Variants in SLC38A9 observed in about 807,000 individuals in gnomAD.
SLC38A9 encodes neutral amino acid transporter 9.
SLC38A9 carries 48 observed loss-of-function variants against 62.3 expected under a neutral mutation model. That is an observed-to-expected ratio of 0.77 (90% confidence interval 0.61 to 0.98). The LOEUF is 0.98. Among genes scored for constraint, SLC38A9 ranks in the 50% least tolerant of loss-of-function variants. The pLI is 0.00. For synonymous variants in SLC38A9, 204 were observed against 227.7 expected (o/e 0.90, Z 0.94); for missense variants, 541 against 679.8 (o/e 0.80, Z 2.27).
At chr5:55,648,363 T>C (rs1323444414) in intron 11 of SLC38A9, among the ~76,000 whole-genome samples, 1 of 152,192 alleles carries the variant, frequency 6.6e-6, no homozygotes, top group East Asian at 1.9e-4. Context: ...AGTTTTTGTG[T>C]GGAAAATACA....
At chr5:55,632,019 ACAACTCCTT>A (rs2150035526) in intron 14 of SLC38A9, among the ~76,000 whole-genome samples, 1 of 152,296 alleles carries the variant, frequency 6.6e-6, no homozygotes, top group East Asian at 1.9e-4. Flanking sequence ...AAAAGAACTC[ACAACTCCTT>A]CATCCCTAAT....
At chr5:55,694,424 C>G (rs1755167699) in intron 3 of SLC38A9, among the ~76,000 whole-genome samples, 1 of 151,974 alleles carries the variant, frequency 6.6e-6, no homozygotes, top group Admixed American at 6.6e-5. Context: ...TGTCAGTGAC[C>G]TGGAAGAAAA....
chr5:55,639,134 G>A (rs1448547733), intron 12 of SLC38A9, among the ~76,000 whole-genome samples: 5 of 152,152 alleles, frequency 3.3e-5, no homozygotes, highest in African/African-American at 7.2e-5. Context: ...GTAGCCAGAC[G>A]TGGTGGTACA....
Position 55,701,430 on chromosome 5 carries a change from C to T in SLC38A9, c.-34-3438G>A, listed in dbSNP as rs77558190. On this transcript the variant is annotated intron_variant, in intron 2 of 15. Coordinates refer to ENST00000396865, the MANE Select transcript of SLC38A9 (RefSeq NM_173514.4). Reference sequence around the variant, plus strand: ...GCTCAGGCCAAAATTCTTAGAATCACTCATGACTTCTTTTTCTCACAGTCC... The same window carrying T: ...GCTCAGGCCAAAATTCTTAGAATCATTCATGACTTCTTTTTCTCACAGTCC... 6.2e-3 allele frequency among the ~76,000 whole-genome samples: 944 copies of T among 152,310 alleles called. 10 individuals are homozygous for T. The highest frequency in any genetic ancestry group is 0.022 in the African/African-American group (915 of 41,560).
chr5:55,661,565 A>G (rs1749580925), intron 8 of SLC38A9, among the ~76,000 whole-genome samples: 1 of 152,200 alleles, frequency 6.6e-6, no homozygotes, highest in Middle Eastern at 3.4e-3. Flanking sequence ...TACAATATCA[A>G]TTACTATACG....
chr5:55,667,653 A>G (rs994593324), intron 7 of SLC38A9, among the ~76,000 whole-genome samples: 3 of 151,994 alleles, frequency 2.0e-5, no homozygotes, highest in Non-Finnish European at 2.9e-5. Flanking sequence ...TCTTTTTGGT[A>G]GTGTCAGGCT....
chr5:55,677,499 C>T (rs1752269158), intron 3 of SLC38A9, among the ~76,000 whole-genome samples: 1 of 152,164 alleles, frequency 6.6e-6, no homozygotes, highest in East Asian at 1.9e-4. Flanking sequence ...CTAGGCAGCT[C>T]CTTCACTCTG....
Position 55,672,698 on chromosome 5 carries a change from A to G in SLC38A9, c.114-3T>C. Reference sequence around the variant, plus strand: ...TTGTGGGCTCTATACAGAAAGGCCTACAAAGGGAATATACACTTGACAAAA... The same window carrying G: ...TTGTGGGCTCTATACAGAAAGGCCTGCAAAGGGAATATACACTTGACAAAA... On this transcript the variant is annotated splice_polypyrimidine_tract_variant and splice_region_variant and intron_variant, in intron 3 of 15. Coordinates refer to ENST00000396865, the MANE Select transcript of SLC38A9 (RefSeq NM_173514.4). 1 of 1,612,396 alleles carries G rather than the reference A, an allele frequency of 6.2e-7. No homozygotes were observed. The highest frequency in any genetic ancestry group is 8.5e-7 in the Non-Finnish European group (1 of 1,179,676).
intron 12 of SLC38A9, among the ~76,000 whole-genome samples, chr5:55,638,525 A>G (rs1429468024): frequency 6.6e-6 from 1 of 152,242 alleles, no homozygotes; most frequent in Admixed American, 6.5e-5. Context: ...AAAGACAGGT[A>G]GAATGCCAAG....
chr5:55,664,150 T>A (rs1750075962), intron 8 of SLC38A9, among the ~76,000 whole-genome samples: 1 of 143,656 alleles, frequency 7.0e-6, no homozygotes, highest in Admixed American at 7.0e-5. Flanking sequence ...GAAAAAAAAA[T>A]TCATTAATTA....
chr5:55,698,295 C>A (rs3761770), intron 2 of SLC38A9, among the ~76,000 whole-genome samples: 82,934 of 151,900 alleles, frequency 0.55, 23,987 homozygotes, highest in South Asian at 0.65. Context: ...TTTTTAAAAT[C>A]TTTGAAAAGC....
At chr5:55,655,242 A>G (rs997675011) in intron 9 of SLC38A9, among the ~76,000 whole-genome samples, 6 of 117,752 alleles carry the variant, frequency 5.1e-5, no homozygotes. Context: ...AGTGCTGGAT[A>G]TAAGATATCA....
At chr5:55,671,255 G>A (rs1376794674) in intron 4 of SLC38A9, among the ~76,000 whole-genome samples, 6 of 151,840 alleles carry the variant, frequency 4.0e-5, no homozygotes, top group South Asian at 2.1e-4. Context: ...AACAAACTCC[G>A]GCCCATAGGC....
intron 2 of SLC38A9, among the ~76,000 whole-genome samples, chr5:55,702,254 T>C (rs1170991670): frequency 8.0e-6 from 1 of 124,564 alleles, no homozygotes; most frequent in Non-Finnish European, 1.7e-5. Context: ...TATTACATTT[T>C]AGCATTAATT....
At position 55,633,870 on chromosome 5, in the gene SLC38A9, G is replaced by A. The variant is rs143882515; in HGVS notation, c.1314C>T (p.Thr438=). ...NFLDNFPSSD[T]LSFIARIFLL... is the part of the protein sequence containing the mutation. ...GGAATATCCTTGCAATGAAGGACAG[G>A]GTGTCACTGCTAGGGAAGTTGTCTA... The change falls in exon 14 of 16, where the codon ACC becomes ACT. Residue 438 remains threonine, a synonymous_variant. Coordinates refer to ENST00000396865, the MANE Select transcript of SLC38A9 (RefSeq NM_173514.4). 16 of 1,611,548 alleles carry A rather than the reference G, an allele frequency of 9.9e-6. No individual in the cohort carries two copies. The highest frequency in any genetic ancestry group is 1.4e-5 in the Non-Finnish European group (16 of 1,179,096).
intron 3 of SLC38A9, among the ~76,000 whole-genome samples, chr5:55,685,067 T>A (rs16884436): frequency 0.56 from 84,678 of 152,050 alleles, 24,629 homozygotes; most frequent in South Asian, 0.65. Context: ...ACCTCGGTAT[T>A]CTACATTGTC....
intron 8 of SLC38A9, among the ~76,000 whole-genome samples, chr5:55,662,715 G>A (rs558596519): frequency 6.8e-6 from 1 of 147,278 alleles, no homozygotes; most frequent in Non-Finnish European, 1.5e-5. Context: ...AACAAATAGT[G>A]TATGTTGCTC....
intron 3 of SLC38A9, among the ~76,000 whole-genome samples, chr5:55,687,381 C>A (rs1754049369): frequency 7.6e-6 from 1 of 130,784 alleles, no homozygotes; most frequent in African/African-American, 3.0e-5. Context: ...GAGCGGAGAT[C>A]GCGCCACAGC....
At chr5:55,711,049 T>A (rs1268196706) in intron 2 of SLC38A9, among the ~76,000 whole-genome samples, 1 of 151,628 alleles carries the variant, frequency 6.6e-6, no homozygotes, top group Non-Finnish European at 1.5e-5. Flanking sequence ...TCCCAGCACT[T>A]TGGGAGGCCA....
Sources: allele counts gnomAD v4.1 joint callset (sites outside exome capture counted in the v4.1 genomes callset), GRCh38; gene constraint gnomAD v4.1.1; transcripts MANE v1.5; gene names NCBI Gene and HGNC (gene_info 2026-07-23, HGNC 2026-07-21).